Variants in NELL1 observed in about 807,000 individuals in gnomAD.
NELL1 encodes neural EGFL like 1.
A neutral mutation model predicts 107.4 loss-of-function variants in NELL1; 76 were observed. That is an observed-to-expected ratio of 0.71 (90% CI 0.59 to 0.86). The LOEUF (loss-of-function observed/expected upper bound fraction) is 0.86, where lower values mean the gene tolerates loss of function less well. NELL1 is among the 40% of genes least tolerant of loss of function. The pLI is 0.00. For synonymous variants in NELL1, 353 were observed against 341.2 expected (o/e 1.03, Z -0.38); for missense variants, 1,024 against 1,005.5 (o/e 1.02, Z -0.25).
At chr11:20,705,997 A>G (rs902804842) in intron 2 of NELL1, among the ~76,000 whole-genome samples, 12 of 152,218 alleles carry the variant, frequency 7.9e-5, no homozygotes, top group Non-Finnish European at 1.5e-4. Flanking sequence ...AATGGCGATT[A>G]TTAAAAAGTC....
intron 15 of NELL1, among the ~76,000 whole-genome samples, chr11:21,492,802 G>A (rs979054647): frequency 2.6e-5 from 4 of 151,072 alleles, no homozygotes; most frequent in African/African-American, 7.3e-5. Flanking sequence ...GTTAAATGAC[G>A]AGTTAATGGG....
chr11:20,707,023 C>A (rs1165932030), intron 2 of NELL1, among the ~76,000 whole-genome samples: 1 of 152,208 alleles, frequency 6.6e-6, no homozygotes, highest in African/African-American at 2.4e-5. Flanking sequence ...TAGACTTGGT[C>A]TTTTCACATA....
At chr11:20,969,497 T>A (rs957812570) in intron 12 of NELL1, among the ~76,000 whole-genome samples, 1 of 151,664 alleles carries the variant, frequency 6.6e-6, no homozygotes, top group Non-Finnish European at 1.5e-5. Context: ...AAAGTAAAAA[T>A]TAAAGTAATG....
chr11:21,481,573 A>G (rs1854493330), intron 15 of NELL1, among the ~76,000 whole-genome samples: 1 of 152,230 alleles, frequency 6.6e-6, no homozygotes, highest in Non-Finnish European at 1.5e-5. Flanking sequence ...ACAGATTCCT[A>G]TTGCTGATGA....
Position 20,842,220 on chromosome 11 carries a change from T to A in NELL1, c.336-5363T>A, listed in dbSNP as rs1848634434. On this transcript the variant is annotated intron_variant, in intron 3 of 19. Coordinates refer to ENST00000357134, the MANE Select transcript of NELL1 (RefSeq NM_006157.5). ...GGTGAAACCCTGTCTCTACTAAAAA[T>A]ACAAAAATTAACCAGGCATGGTGGT... is the stretch of plus-strand genomic sequence containing the variant. 2.0e-5 allele frequency among the ~76,000 whole-genome samples: 3 copies of A among 151,808 alleles called. No individual in the cohort carries two copies. The South Asian group carries it at 6.2e-4, about 32-fold the overall frequency.
In NELL1 at chr11:20,911,050, CTG is replaced by C. The variant is rs1313689176; in HGVS notation, c.604-7130_604-7129del. Among the ~76,000 whole-genome samples the C allele has an allele frequency of 3.9e-5, 6 of 152,114 alleles. 1 individual carries two copies. The highest frequency in any genetic ancestry group is 7.4e-5 in the Non-Finnish European group (5 of 68,020). ...CACTCTTCCTGTCTTTTAGGAATTT[CTG>C]TTTTAGTTATGAGGATATGATTAAG... On this transcript the variant is annotated intron_variant, in intron 5 of 19. Coordinates refer to ENST00000357134, the MANE Select transcript of NELL1 (RefSeq NM_006157.5).
chr11:21,363,832 C>A (rs1851145830), intron 14 of NELL1, among the ~76,000 whole-genome samples: 1 of 152,074 alleles, frequency 6.6e-6, no homozygotes, highest in Non-Finnish European at 1.5e-5. Flanking sequence ...TGATCTTAGT[C>A]CCTAAGAATC....
chr11:20,961,137 C>G (rs978819724), intron 12 of NELL1, among the ~76,000 whole-genome samples: 1 of 152,126 alleles, frequency 6.6e-6, no homozygotes, highest in African/African-American at 2.4e-5. Flanking sequence ...ATGGTGGCCT[C>G]AAGCATCAAT....
At chr11:21,101,905 C>G (rs1167695301) in intron 12 of NELL1, among the ~76,000 whole-genome samples, 1 of 152,140 alleles carries the variant, frequency 6.6e-6, no homozygotes, top group African/African-American at 2.4e-5. Flanking sequence ...CTCTTGTCAT[C>G]CAGGCTGTAG....
chr11:20,928,089 G>T (rs1276973845), intron 8 of NELL1, among the ~76,000 whole-genome samples: 3 of 152,150 alleles, frequency 2.0e-5, no homozygotes, highest in African/African-American at 7.2e-5. Context: ...CTGCAAATGT[G>T]TTATTTATGT....
At chr11:21,351,624 C>A (rs1406590041) in intron 14 of NELL1, among the ~76,000 whole-genome samples, 2 of 151,944 alleles carry the variant, frequency 1.3e-5, no homozygotes, top group East Asian at 3.9e-4. Flanking sequence ...AAGATCTGAT[C>A]TCTACTATGT....
intron 4 of NELL1, among the ~76,000 whole-genome samples, chr11:20,883,731 C>G (rs945716860): frequency 3.9e-5 from 6 of 152,130 alleles, no homozygotes; most frequent in African/African-American, 1.2e-4. Flanking sequence ...TTTGTATATA[C>G]TTTCCCTTGT....
intron 17 of NELL1, among the ~76,000 whole-genome samples, chr11:21,561,052 T>C (rs68126098): frequency 0.3 from 45,012 of 152,046 alleles, 7,097 homozygotes; most frequent in Middle Eastern, 0.41. Flanking sequence ...TTGTGCTTTA[T>C]TTCTTCTTTT....
chr11:21,180,167 T>C (rs1050104458), intron 13 of NELL1, among the ~76,000 whole-genome samples: 1 of 151,686 alleles, frequency 6.6e-6, no homozygotes, highest in Non-Finnish European at 1.5e-5. Context: ...TTAGGCAATG[T>C]CATTTTGCTG....
At chr11:21,340,373 C>T (rs965526855) in intron 14 of NELL1, among the ~76,000 whole-genome samples, 3 of 152,088 alleles carry the variant, frequency 2.0e-5, no homozygotes, top group Admixed American at 6.6e-5. Flanking sequence ...AAGATGGTCT[C>T]GATCTCCTGA....
chr11:21,097,342 G>A (rs963032350), intron 12 of NELL1, among the ~76,000 whole-genome samples: 1 of 152,202 alleles, frequency 6.6e-6, no homozygotes. Flanking sequence ...GCAAGGCAAT[G>A]TATTTCTGCA....
At chr11:21,359,826 G>A (rs993939559) in intron 14 of NELL1, among the ~76,000 whole-genome samples, 7 of 151,920 alleles carry the variant, frequency 4.6e-5, no homozygotes, top group African/African-American at 7.3e-5. Flanking sequence ...CTGTGGTATC[G>A]TCGTAATATT....
chr11:21,142,533 C>A (rs149385912), intron 13 of NELL1, among the ~76,000 whole-genome samples: 1 of 152,226 alleles, frequency 6.6e-6, no homozygotes, highest in African/African-American at 2.4e-5. Flanking sequence ...GCTTAAATCA[C>A]GGCAGAGGCA....
rs116668353 is a variant in NELL1 at position 21,094,034 on chromosome 11, A to G, written c.1301-19555A>G. 3.4e-3 allele frequency among the ~76,000 whole-genome samples: 524 copies of G among 152,330 alleles called. 2 individuals carry two copies. Among genetic ancestry groups the G allele is most frequent in the African/African-American group, 0.012 (513 of 41,572 alleles). Reference sequence around the variant, plus strand: ...TCCACAGTCGAAAGTCTCATCTGAGACAAGACAAGTCCTTTCACTAATGAG... The same window carrying G: ...TCCACAGTCGAAAGTCTCATCTGAGGCAAGACAAGTCCTTTCACTAATGAG... On this transcript the variant is annotated intron_variant, in intron 12 of 19. Coordinates refer to ENST00000357134, the MANE Select transcript of NELL1 (RefSeq NM_006157.5).
Sources: allele counts gnomAD v4.1 joint callset (sites outside exome capture counted in the v4.1 genomes callset), GRCh38; gene constraint gnomAD v4.1.1; transcripts MANE v1.5; gene names NCBI Gene and HGNC (gene_info 2026-07-23, HGNC 2026-07-21).